FRMD4A: variants seen among roughly 807,000 people sequenced by gnomAD.
FRMD4A encodes the protein FERM domain containing 4A, also known as FERM domain-containing protein 4A.
Under a neutral mutation model 129.1 loss-of-function variants are expected in FRMD4A, and 29 were observed. The observed-to-expected ratio is 0.22, with a 90% CI of 0.17 to 0.31. The LOEUF is 0.31. FRMD4A is among the 10% of genes least tolerant of loss of function. The pLI, the probability that FRMD4A is intolerant of heterozygous loss-of-function variation, is 1.00. For missense variants in FRMD4A, 1,272 were observed against 1,375.8 expected (o/e 0.92, Z 1.19); for synonymous variants, 634 against 571.6 (o/e 1.11, Z -1.56).
At chr10:14,317,594 C>A (rs1846788167) in intron 2 of FRMD4A, among the ~76,000 whole-genome samples, 1 of 151,986 alleles carries the variant, frequency 6.6e-6, no homozygotes, top group African/African-American at 2.4e-5. Context: ...TCCACATATC[C>A]TCAGCACATA....
chr10:14,210,928 C>T (rs1589171234), intron 2 of FRMD4A, among the ~76,000 whole-genome samples: 1 of 152,180 alleles, frequency 6.6e-6, no homozygotes, highest in Non-Finnish European at 1.5e-5. Flanking sequence ...GGTGTTTCAC[C>T]GTCTTGACCA....
intron 3 of FRMD4A, among the ~76,000 whole-genome samples, chr10:13,836,755 CTTTTTTT>C (rs35995042): frequency 5.5e-5 from 6 of 110,000 alleles, no homozygotes; most frequent in African/African-American, 1.1e-4. Flanking sequence ...CTCAGTGGTT[CTTTTTTT>C]TTTTTTTTTT....
intron 2 of FRMD4A, among the ~76,000 whole-genome samples, chr10:13,945,876 T>G (rs867088798): frequency 6.6e-6 from 1 of 152,192 alleles, no homozygotes; most frequent in South Asian, 2.1e-4. Context: ...ACTGCAGGCT[T>G]CAAGGAAGAA....
At chr10:13,859,290 A>G (rs2094259578) in intron 2 of FRMD4A, among the ~76,000 whole-genome samples, 2 of 152,150 alleles carry the variant, frequency 1.3e-5, no homozygotes, top group South Asian at 4.1e-4. Context: ...AGGCTGAGGC[A>G]GGAGAATCGC....
rs1273564371 is a variant in FRMD4A, at chr10:14,127,996, CTCTCTT to C, written c.45+202056_45+202061del. ...TTTCTTTCCTTCTCTCTCTCTCTCTCTCTCTTTCTTTCTTTCTTCCTTCCTTCCTTC... is the reference window on the plus strand; with the variant it reads ...TTTCTTTCCTTCTCTCTCTCTCTCTCTCTTTCTTTCTTCCTTCCTTCCTTC... On this transcript the variant is annotated intron_variant, in intron 2 of 24. Transcript: ENST00000357447. 8.2e-3 allele frequency among the ~76,000 whole-genome samples: 982 copies of C among 119,326 alleles called. 79 individuals carry two copies. Among genetic ancestry groups the C allele is most frequent in the Admixed American group, 0.041 (473 of 11,448 alleles). The allele number at this position is 119,326 out of a possible 152,430, so 78.3% of individuals were successfully genotyped here.
chr10:14,317,373 C>T (rs1846779394), intron 2 of FRMD4A, among the ~76,000 whole-genome samples: 1 of 152,152 alleles, frequency 6.6e-6, no homozygotes, highest in African/African-American at 2.4e-5. Flanking sequence ...GAACTACTGT[C>T]CACTACCACT....
At chr10:14,204,114 G>A (rs1314886106) in intron 2 of FRMD4A, among the ~76,000 whole-genome samples, 1 of 152,128 alleles carries the variant, frequency 6.6e-6, no homozygotes, top group Non-Finnish European at 1.5e-5. Flanking sequence ...AGGAAGAAAG[G>A]AGAGACTCAC....
At chr10:13,986,678 A>T (rs2095582659) in intron 2 of FRMD4A, among the ~76,000 whole-genome samples, 1 of 144,344 alleles carries the variant, frequency 6.9e-6, no homozygotes, top group Non-Finnish European at 1.5e-5. Flanking sequence ...AATAAATAAA[A>T]TAAATATAAG....
At chr10:13,733,103 G>A (rs1364026519) in intron 12 of FRMD4A, among the ~76,000 whole-genome samples, 5 of 152,226 alleles carry the variant, frequency 3.3e-5, no homozygotes, top group Admixed American at 6.5e-5. Context: ...GCTTAGGTGC[G>A]GACTTGCATC....
At chr10:13,958,543 A>G (rs2095425173) in intron 2 of FRMD4A, among the ~76,000 whole-genome samples, 2 of 151,158 alleles carry the variant, frequency 1.3e-5, no homozygotes, top group Non-Finnish European at 2.9e-5. Flanking sequence ...TCGGCCTCCC[A>G]AACTGCTGGG....
intron 3 of FRMD4A, among the ~76,000 whole-genome samples, chr10:13,857,763 C>G (rs2094234020): frequency 6.6e-6 from 1 of 152,120 alleles, no homozygotes; most frequent in Admixed American, 6.5e-5. Flanking sequence ...TGCTCTAGGA[C>G]TTGGAGATAG....
At chr10:13,830,824 C>A (rs1342678727) in intron 3 of FRMD4A, among the ~76,000 whole-genome samples, 1 of 152,192 alleles carries the variant, frequency 6.6e-6, no homozygotes, top group Non-Finnish European at 1.5e-5. Context: ...GAGTCTCGCT[C>A]TGTCACCCAG....
At chr10:14,017,102 C>T (rs1028751282) in intron 2 of FRMD4A, among the ~76,000 whole-genome samples, 1 of 152,218 alleles carries the variant, frequency 6.6e-6, no homozygotes, top group Non-Finnish European at 1.5e-5. Context: ...GTGGCTATAG[C>T]CTGGCTAAAG....
Position 14,109,922 on chromosome 10 carries a change from G to A in FRMD4A, c.45+220136C>T, listed in dbSNP as rs559685808. ...GGAGGCAGAGGTTGCAGTCAGCCAA[G>A]ATCACGACACTGCACTCCAGCCTGG... is the stretch of plus-strand genomic sequence containing the variant. On this transcript the variant is annotated intron_variant, in intron 2 of 24. Transcript: ENST00000357447. Among the ~76,000 whole-genome samples the A allele has an allele frequency of 6.0e-5, 9 of 150,130 alleles. No homozygotes were observed. In the South Asian group the frequency reaches 1.9e-3, roughly 32 times the overall value.
chr10:14,144,915 G>A lies in FRMD4A; in HGVS notation c.45+185143C>T, dbSNP rs201152794. On this transcript the variant is annotated intron_variant, in intron 2 of 24. Transcript: ENST00000357447. ...GCAAGGATTGGATTTAGGCAAAGAC[G>A]TGGAAAGAAACTCTCAGCTGAGAGG... is the stretch of plus-strand genomic sequence containing the variant. 6.6e-5 allele frequency among the ~76,000 whole-genome samples: 10 copies of A among 152,304 alleles called. No homozygotes were observed. The East Asian group carries it at 1.9e-3, about 29-fold the overall frequency.
intron 4 of FRMD4A, among the ~76,000 whole-genome samples, chr10:13,803,102 T>C (rs372636559): frequency 2.8e-5 from 4 of 141,556 alleles, no homozygotes; most frequent in East Asian, 4.2e-4. Flanking sequence ...TGAGCCGAGA[T>C]GGCACCACTG....
intron 2 of FRMD4A, among the ~76,000 whole-genome samples, chr10:14,126,169 CTTTTT>C (rs55649566): frequency 1.6e-5 from 2 of 122,382 alleles, no homozygotes; most frequent in African/African-American, 3.1e-5. Flanking sequence ...ACCTTGCCCA[CTTTTT>C]TTTTTTTTTT....
intron 2 of FRMD4A, among the ~76,000 whole-genome samples, chr10:14,051,212 A>G (rs905306366): frequency 3.3e-5 from 5 of 152,182 alleles, no homozygotes; most frequent in African/African-American, 1.2e-4. Context: ...CTGATTTTTT[A>G]TCTTTTCCAC....
At chr10:13,726,356 C>T (rs1224529020) in intron 12 of FRMD4A, among the ~76,000 whole-genome samples, 4 of 152,134 alleles carry the variant, frequency 2.6e-5, no homozygotes, top group Non-Finnish European at 4.4e-5. Flanking sequence ...TCATGAAGGT[C>T]GTGAATTTAC....
Sources: gnomAD v4.1 joint callset for allele counts (sites outside exome capture counted in the v4.1 genomes callset) on GRCh38, gnomAD v4.1.1 for gene constraint, MANE v1.5 for transcripts, NCBI Gene and HGNC (gene_info 2026-07-23, HGNC 2026-07-21) for gene names.